DPP4: variants seen among roughly 807,000 people sequenced by gnomAD.
DPP4 encodes ADCP-2.
Under a neutral mutation model 122.4 loss-of-function variants are expected in DPP4, and 93 were observed. The ratio of observed to expected loss-of-function variants is 0.76; its 90% CI spans 0.64 to 0.90. The LOEUF is 0.90. Among genes scored for constraint, DPP4 ranks in the 40% least tolerant of loss-of-function variants. The pLI, the probability that DPP4 is intolerant of heterozygous loss-of-function variation, is 0.00. For synonymous variants in DPP4, 321 were observed against 302.9 expected (o/e 1.06, Z -0.62); for missense variants, 914 against 907.3 (o/e 1.01, Z -0.09).
chr2:162,016,984 AGG>A (rs1325539043), intron 17 of DPP4, 118 bp from the exon 18 acceptor site: 12 of 1,403,222 alleles, frequency 8.6e-6, no homozygotes. Flanking sequence ...TCAGGTTATA[AGG>A]CTTGTGTTCA....
chr2:162,009,249 A>C lies in DPP4; in HGVS notation c.1879T>G (p.Trp627Gly), dbSNP rs763655399. The C allele has an allele frequency of 6.2e-7, 1 of 1,613,640 alleles. No homozygotes were observed. ...ATCAGTCAACTACTCACCCAGCCCCAAATTGCAATTCGTTTGTTGTCCACA... is the reference window on the plus strand; with the variant it reads ...ATCAGTCAACTACTCACCCAGCCCCCAATTGCAATTCGTTTGTTGTCCACA... ...GFVDNKRIAI[W>G]GWSYGGYVTS... Residue 627 changes from tryptophan to glycine, a missense_variant, in exon 21 of 26, where the codon TGG becomes GGG. Physicochemically the swap from Trp to Gly is radical, Grantham distance 184. Coordinates refer to ENST00000360534, the MANE Select transcript of DPP4 (RefSeq NM_001935.4).
intron 2 of DPP4, among the ~76,000 whole-genome samples, chr2:162,052,313 C>A (rs561122914): frequency 5.1e-4 from 61 of 119,276 alleles, no homozygotes; most frequent in African/African-American, 2.0e-3. Context: ...AGCGAAACTC[C>A]ATCTCAAAAA....
chr2:162,000,884 T>C (rs1275603438), intron 23 of DPP4, among the ~76,000 whole-genome samples: 1 of 152,202 alleles, frequency 6.6e-6, no homozygotes, highest in East Asian at 1.9e-4. Flanking sequence ...TCCCCAGGCT[T>C]ATGTCCTGTC....
chr2:162,033,266 T>TA (rs1285287708), intron 10 of DPP4, among the ~76,000 whole-genome samples: 2 of 152,188 alleles, frequency 1.3e-5, no homozygotes, highest in African/African-American at 4.8e-5. Flanking sequence ...GCTCTTTTTT[T>TA]ATCTGGTTAT....
rs1700906008 is a variant in DPP4, at chr2:161,993,205, TC to T, written c.*77del. The T allele has an allele frequency of 1.8e-6, 2 of 1,124,638 alleles. No homozygotes were observed. Among genetic ancestry groups the T allele is most frequent in the Non-Finnish European group, 2.7e-6 (2 of 742,016 alleles). The allele number at this position is 1,124,638 out of a possible 1,614,324, so 69.7% of individuals were successfully genotyped here. A position where few individuals can be genotyped will look rare whatever the true frequency, so the allele number is the denominator to read the frequency against. ...GTGTGTATTTTAAAGATCATCATCA[TC>T]TTGACAGTGCAGTTTTGAGATAATG... On this transcript the variant is annotated 3_prime_UTR_variant, in exon 26 of 26. Coordinates refer to ENST00000360534, the MANE Select transcript of DPP4 (RefSeq NM_001935.4).
intron 25 of DPP4, among the ~76,000 whole-genome samples, chr2:161,994,475 C>T (rs556891658): frequency 9.8e-5 from 15 of 152,304 alleles, no homozygotes; most frequent in Non-Finnish European, 1.9e-4. Context: ...AATTGTTTAT[C>T]GCCTGTGGTT....
Position 162,008,665 on chromosome 2 carries a change from A to G in DPP4, c.1888-4T>C. ...AGGTTACGTACCCTCCATATGACTAAGGAATGGAAACAGTTATTTTTATGG... is the reference window on the plus strand; with the variant it reads ...AGGTTACGTACCCTCCATATGACTAGGGAATGGAAACAGTTATTTTTATGG... On this transcript the variant is annotated splice_region_variant and splice_polypyrimidine_tract_variant and intron_variant, in intron 21 of 25. Transcript: ENST00000360534. The G allele has an allele frequency of 6.2e-7, 1 of 1,611,796 alleles. No homozygotes were observed. The highest frequency in any genetic ancestry group is 8.5e-7 in the Non-Finnish European group (1 of 1,178,006).
Position 162,033,382 on chromosome 2 carries a change from A to C in DPP4, c.887+159T>G, listed in dbSNP as rs921392247. Among the ~76,000 whole-genome samples the C allele has an allele frequency of 2.0e-5, 3 of 152,216 alleles. No individual in the cohort carries two copies. The South Asian group carries it at 6.2e-4, about 32-fold the overall frequency. ...AGTTGTGCCCAGCCTGAGGACGTGA[A>C]GATGCTCAACAAAGAGTTGCTGAAG... On this transcript the variant is annotated intron_variant, in intron 10 of 25. Coordinates refer to ENST00000360534, the MANE Select transcript of DPP4 (RefSeq NM_001935.4).
At chr2:162,050,541 G>A (rs1286229035) in intron 2 of DPP4, among the ~76,000 whole-genome samples, 1 of 152,154 alleles carries the variant, frequency 6.6e-6, no homozygotes, top group Non-Finnish European at 1.5e-5. Flanking sequence ...ATCCCTGCAA[G>A]GCCCAGGCTT....
chr2:162,009,837 A>G (rs755314140), intron 20 of DPP4, among the ~76,000 whole-genome samples: 12 of 152,140 alleles, frequency 7.9e-5, no homozygotes, highest in Non-Finnish European at 1.5e-4. Context: ...CGTGCACTCA[A>G]TAGAAATAAA....
intron 2 of DPP4, among the ~76,000 whole-genome samples, chr2:162,053,267 C>G (rs534590481): frequency 1.3e-5 from 2 of 152,320 alleles, no homozygotes; most frequent in Non-Finnish European, 2.9e-5. Context: ...AACAACAACC[C>G]TGAAGGCATT....
chr2:162,049,104 G>A (rs79076454), intron 2 of DPP4, among the ~76,000 whole-genome samples: 11,145 of 152,132 alleles, frequency 0.073, 991 homozygotes, highest in African/African-American at 0.21. Flanking sequence ...ATCAGCCACC[G>A]TTATAAAATT....
chr2:162,008,117 GA>G (rs1231137791), intron 22 of DPP4, among the ~76,000 whole-genome samples: 1 of 151,426 alleles, frequency 6.6e-6, no homozygotes, highest in African/African-American at 2.4e-5. Flanking sequence ...TATTAAGAAT[GA>G]AAAAAAACAA....
chr2:162,051,228 CTT>C (rs1466515110), intron 2 of DPP4, among the ~76,000 whole-genome samples: 1 of 152,174 alleles, frequency 6.6e-6, no homozygotes, highest in African/African-American at 2.4e-5. Flanking sequence ...GTTAAGGTAT[CTT>C]AATGAATCCT....
Position 162,020,571 on chromosome 2 carries a change from G to T in DPP4, c.1176+10C>A. The stretch of plus-strand genomic sequence containing the variant: ...GGTCAACATGAAATAAAATATGTAA[G>T]AATACTCACTTTTTTATCTATTTGG... On this transcript the variant is annotated intron_variant, in intron 13 of 25. Transcript: ENST00000360534. The T allele has an allele frequency of 6.4e-7, 1 of 1,565,696 alleles. No homozygotes were observed. The highest frequency in any genetic ancestry group is 1.2e-5 in the South Asian group (1 of 84,126).
At position 162,038,479 on chromosome 2, in the gene DPP4, G is replaced by A. The variant is rs186845538; in HGVS notation, c.493-57C>T. Reference sequence around the variant, plus strand: ...ATAATACATGTCATATTTTTATCCCGGAATTGTAGAAACACTTATCTATTG... The same window carrying A: ...ATAATACATGTCATATTTTTATCCCAGAATTGTAGAAACACTTATCTATTG... On this transcript the variant is annotated intron_variant, in intron 7 of 25. Coordinates refer to ENST00000360534, the MANE Select transcript of DPP4 (RefSeq NM_001935.4). 235 of 1,522,106 alleles carry A rather than the reference G, an allele frequency of 1.5e-4. 1 individual carries two copies. Among genetic ancestry groups the A allele is most frequent in the East Asian group, 1.2e-3 (50 of 42,726 alleles). 94.3% of individuals were successfully genotyped at this position (1,522,106 alleles called of 1,614,324 possible). A position where few individuals can be genotyped will look rare whatever the true frequency, so the allele number is the denominator to read the frequency against.
Position 162,009,313 on chromosome 2 carries a change from A to C in DPP4, c.1833-18T>G. ...AAAATTGTCTAAAACACAAGGAAAA[A>C]GTCCACAGATCAGTACTGCATTGTG... On this transcript the variant is annotated intron_variant, in intron 20 of 25. Coordinates refer to ENST00000360534, the MANE Select transcript of DPP4 (RefSeq NM_001935.4). 1 of 1,612,572 alleles carries C rather than the reference A, an allele frequency of 6.2e-7. No individual in the cohort carries two copies. The highest frequency in any genetic ancestry group is 8.5e-7 in the Non-Finnish European group (1 of 1,178,726).
At chr2:162,050,735 T>C (rs949903537) in intron 2 of DPP4, among the ~76,000 whole-genome samples, 10 of 152,230 alleles carry the variant, frequency 6.6e-5, no homozygotes, top group African/African-American at 2.4e-4. Context: ...TTTTGAAACA[T>C]CTAGATAAGC....
At position 162,049,484 on chromosome 2, in the gene DPP4, G is replaced by A. The variant is rs373652225; in HGVS notation, c.95-1983C>T. On this transcript the variant is annotated intron_variant, in intron 2 of 25. Transcript: ENST00000360534. ...CAACACTGAGGCCTGTTGGGGGTGG[G>A]GTTGGGGGTGGGCAGAGAGAGAGCA... Among the ~76,000 whole-genome samples the A allele has an allele frequency of 2.4e-3, 359 of 151,966 alleles. 2 individuals carry two copies. Among genetic ancestry groups the A allele is most frequent in the African/African-American group, 8.0e-3 (333 of 41,442 alleles).
Sources: gnomAD v4.1 joint callset for allele counts (sites outside exome capture counted in the v4.1 genomes callset) on GRCh38, gnomAD v4.1.1 for gene constraint, MANE v1.5 for transcripts, NCBI Gene and HGNC (gene_info 2026-07-23, HGNC 2026-07-21) for gene names.